Variants in LCK observed in about 807,000 individuals in gnomAD.
LCK encodes tyrosine-protein kinase Lck.
Under a neutral mutation model 64.6 loss-of-function variants are expected in LCK, and 14 were observed. The observed-to-expected ratio is 0.22, with a 90% CI of 0.14 to 0.34. The LOEUF is 0.34. Ranked by LOEUF, LCK falls within the 10% of genes least tolerant of loss-of-function variation. LCK has a pLI of 1.00. For synonymous variants in LCK, 277 were observed against 263.6 expected (o/e 1.05, Z -0.49); for missense variants, 434 against 668.1 (o/e 0.65, Z 3.86).
intron 1 of LCK, among the ~76,000 whole-genome samples, chr1:32,269,126 A>T (rs930901112): frequency 2.7e-5 from 4 of 146,694 alleles, no homozygotes; most frequent in Non-Finnish European, 6.0e-5. Flanking sequence ...AAAAAAAAAA[A>T]GGAAAGAGAG....
chr1:32,275,737 G>C lies in LCK; in HGVS notation c.481+65G>C. On this transcript the variant is annotated intron_variant, in intron 6 of 12. Transcript: ENST00000336890. The surrounding 1 kb of genome is among the most constrained non-coding windows in gnomAD (Gnocchi z 6.9). ...CGGGGTGTGCCCGAGGGGGGGCGCA[G>C]GGTGAGCCCGAGGTGGAGACACGGG... 1.4e-6 allele frequency: 2 copies of C among 1,456,774 alleles called. No homozygotes were observed. Among genetic ancestry groups the C allele is most frequent in the Non-Finnish European group, 1.9e-6 (2 of 1,074,626 alleles). The allele number at this position is 1,456,774 out of a possible 1,614,324, so 90.2% of individuals were successfully genotyped here.
At chr1:32,268,379 C>G (rs968609059) in intron 1 of LCK, among the ~76,000 whole-genome samples, 1 of 151,632 alleles carries the variant, frequency 6.6e-6, no homozygotes, top group Non-Finnish European at 1.5e-5. Context: ...GTGGTGCAAT[C>G]GTAGCTCACT....
chr1:32,282,576 T>C (rs1455896667), intron 12 of LCK, among the ~76,000 whole-genome samples: 1 of 151,848 alleles, frequency 6.6e-6, no homozygotes, highest in Non-Finnish European at 1.5e-5. Flanking sequence ...GAAGCTGAGG[T>C]GGGTGGATCA....
intron 12 of LCK, among the ~76,000 whole-genome samples, chr1:32,281,636 C>T (rs139689826): frequency 3.3e-5 from 5 of 151,968 alleles, no homozygotes; most frequent in Non-Finnish European, 7.4e-5. Flanking sequence ...AAGGAACTTG[C>T]TAAGAAACTC....
chr1:32,268,219 A>G (rs960238722), intron 1 of LCK, among the ~76,000 whole-genome samples: 2 of 152,240 alleles, frequency 1.3e-5, no homozygotes, highest in East Asian at 1.9e-4. Flanking sequence ...GAAAAAAGTA[A>G]TGAGAGAAAT....
intron 1 of LCK, among the ~76,000 whole-genome samples, chr1:32,273,051 T>C (rs930095878): frequency 7.1e-6 from 1 of 140,520 alleles, no homozygotes; most frequent in Non-Finnish European, 1.5e-5. Flanking sequence ...TGTGTGTTCC[T>C]GGGTGTGGGA....
intron 9 of LCK, 56 bp from the exon 10 acceptor site, chr1:32,279,615 T>G: frequency 1.2e-6 from 2 of 1,613,550 alleles, no homozygotes; most frequent in Non-Finnish European, 1.7e-6. Flanking sequence ...AGGAGAAAGG[T>G]CTGGGGGCCT....
At position 32,275,253 on chromosome 1, in the gene LCK, G is replaced by T; in HGVS notation, c.279-68G>T. The T allele has an allele frequency of 1.9e-6, 3 of 1,543,376 alleles. No individual in the cohort carries two copies. Among genetic ancestry groups the T allele is most frequent in the Non-Finnish European group, 2.7e-6 (3 of 1,116,736 alleles). On this transcript the variant is annotated intron_variant, in intron 4 of 12. Transcript: ENST00000336890. This position sits in a 1 kb window ranked among gnomAD's most constrained non-coding sequence, Gnocchi z 6.9. The stretch of plus-strand genomic sequence containing the variant: ...GGGGGAGGCTGGCTTAAGGGGTGGA[G>T]GGGTCTTTGAGGGAGGGTCTCAGGT...
In LCK at chr1:32,263,029, T is replaced by A. The variant is rs894293336; in HGVS notation, c.-5-11296T>A. 5.9e-5 allele frequency among the ~76,000 whole-genome samples: 9 copies of A among 152,084 alleles called. 1 individual carries two copies. The highest frequency in any genetic ancestry group is 2.2e-4 in the African/African-American group (9 of 41,404). ...TCATAGATTCGAGGCTGCCTCTGACTAGGGCATGTAATGTTCTCAGTCAAA... is the reference window on the plus strand; with the variant it reads ...TCATAGATTCGAGGCTGCCTCTGACAAGGGCATGTAATGTTCTCAGTCAAA... On this transcript the variant is annotated intron_variant, in intron 1 of 12. Coordinates refer to ENST00000336890, the MANE Select transcript of LCK (RefSeq NM_005356.5).
chr1:32,260,310 C>T lies in LCK; in HGVS notation c.-6+8939C>T, dbSNP rs115772806. On this transcript the variant is annotated intron_variant, in intron 1 of 12. Transcript: ENST00000336890. ...ACAGGTGTGAACCACTGCGCCTGGCCTTTTATTTTTATTTTTACAGAGACA... is the reference window on the plus strand; with the variant it reads ...ACAGGTGTGAACCACTGCGCCTGGCTTTTTATTTTTATTTTTACAGAGACA... Among the ~76,000 whole-genome samples the T allele has an allele frequency of 6.7e-3, 1,013 of 152,178 alleles. 13 individuals carry two copies. The highest frequency in any genetic ancestry group is 0.023 in the African/African-American group (960 of 41,526).
chr1:32,275,747 G>T lies in LCK; in HGVS notation c.481+75G>T. ...CCGAGGGGGGGCGCAGGGTGAGCCC[G>T]AGGTGGAGACACGGGGTGAGTCGGA... is the stretch of plus-strand genomic sequence containing the variant. On this transcript the variant is annotated intron_variant, in intron 6 of 12. Transcript: ENST00000336890. This position sits in a 1 kb window ranked among gnomAD's most constrained non-coding sequence, Gnocchi z 6.9. 5 of 1,435,112 alleles carry T rather than the reference G, an allele frequency of 3.5e-6. No individual in the cohort carries two copies. The South Asian group carries it at 6.2e-5, about 18-fold the overall frequency. The allele number at this position is 1,435,112 out of a possible 1,614,324, so 88.9% of individuals were successfully genotyped here.
chr1:32,274,308 C>T lies in LCK; in HGVS notation c.-5-17C>T. 1 of 1,614,034 alleles carries T rather than the reference C, an allele frequency of 6.2e-7. No individual in the cohort carries two copies. Among genetic ancestry groups the T allele is most frequent in the Non-Finnish European group, 8.5e-7 (1 of 1,179,958 alleles). On this transcript the variant is annotated splice_polypyrimidine_tract_variant and intron_variant, in intron 1 of 12. Coordinates refer to ENST00000336890, the MANE Select transcript of LCK (RefSeq NM_005356.5). ...ATCTTGGGGGAGCCCCTTCAGCCCC[C>T]TCTTCCATTCCCTCAGGGACCATGG...
intron 1 of LCK, among the ~76,000 whole-genome samples, chr1:32,255,851 G>A (rs531338109): frequency 6.8e-6 from 1 of 146,148 alleles, no homozygotes; most frequent in African/African-American, 2.6e-5. Context: ...TGCCCCGGCT[G>A]GGGCACATGG....
rs1640277212 is a variant in LCK at position 32,276,532 on chromosome 1, A to T, written c.784+43A>T. 1 of 1,588,448 alleles carries T rather than the reference A, an allele frequency of 6.3e-7. No homozygotes were observed. Among genetic ancestry groups the T allele is most frequent in the South Asian group, 1.1e-5 (1 of 87,342 alleles). On this transcript the variant is annotated intron_variant, in intron 8 of 12. Transcript: ENST00000336890. This position sits in a 1 kb window ranked among gnomAD's most constrained non-coding sequence, Gnocchi z 4.6. The stretch of plus-strand genomic sequence containing the variant: ...GACTGCCTGGGAAGAGGGGAACGGG[A>T]GGGGCCGCTGAGGTGATGAGAGTCC...
intron 1 of LCK, among the ~76,000 whole-genome samples, chr1:32,261,366 C>T (rs1219698377): frequency 4.0e-5 from 6 of 150,868 alleles, no homozygotes; most frequent in East Asian, 3.9e-4. Flanking sequence ...TCCTGCTGGC[C>T]GGGCATGGTG....
chr1:32,283,181 C>T (rs995441232), intron 12 of LCK, among the ~76,000 whole-genome samples: 4 of 149,416 alleles, frequency 2.7e-5, no homozygotes, highest in African/African-American at 9.9e-5. Flanking sequence ...CCCAGCTACT[C>T]GGGAAGCTGA....
intron 1 of LCK, among the ~76,000 whole-genome samples, chr1:32,267,765 A>G (rs1442453366): frequency 6.6e-6 from 1 of 152,120 alleles, no homozygotes; most frequent in Non-Finnish European, 1.5e-5. Flanking sequence ...GTGGTGGCAC[A>G]CGCCTGTAAT....
In LCK at chr1:32,275,772, A is replaced by G. The variant is rs1569954959; in HGVS notation, c.481+100A>G. 2 of 1,213,210 alleles carry G rather than the reference A, an allele frequency of 1.6e-6. No individual in the cohort carries two copies. The highest frequency in any genetic ancestry group is 2.2e-6 in the Non-Finnish European group (2 of 927,864). The allele number at this position is 1,213,210 out of a possible 1,614,324, so 75.2% of individuals were successfully genotyped here. ...GAGGTGGAGACACGGGGTGAGTCGG[A>G]GGGGGACGCGGGATGAGCCCGAGGT... On this transcript the variant is annotated intron_variant, in intron 6 of 12. Transcript: ENST00000336890. This position sits in a 1 kb window ranked among gnomAD's most constrained non-coding sequence, Gnocchi z 6.9.
intron 12 of LCK, among the ~76,000 whole-genome samples, chr1:32,282,545 C>T (rs1640492673): frequency 6.6e-6 from 1 of 152,174 alleles, no homozygotes; most frequent in Non-Finnish European, 1.5e-5. Context: ...GTGACTCACA[C>T]CTGTAATCCC....
Sources: gnomAD v4.1 joint callset for allele counts (sites outside exome capture counted in the v4.1 genomes callset) on GRCh38, gnomAD v4.1.1 for gene constraint, Gnocchi (gnomAD v3.1) non-coding constraint, MANE v1.5 for transcripts, NCBI Gene and HGNC (gene_info 2026-07-23, HGNC 2026-07-21) for gene names.